Variants in KCNQ1 observed in about 807,000 individuals in gnomAD.
The protein encoded by KCNQ1 is potassium voltage-gated channel subfamily KQT member 1.
KCNQ1 carries 49 observed loss-of-function variants against 72.4 expected under a neutral mutation model. That is an observed-to-expected ratio of 0.68 (90% CI 0.54 to 0.86). The LOEUF is 0.86. Among genes scored for constraint, KCNQ1 ranks in the 40% least tolerant of loss-of-function variants. The pLI is 0.00. For synonymous variants in KCNQ1, 450 were observed against 412.6 expected (o/e 1.09, Z -1.10); for missense variants, 790 against 945.1 (o/e 0.84, Z 2.15).
In KCNQ1 at chr11:2,547,025, TGA is replaced by T. The variant is rs1177496812; in HGVS notation, c.477+19009_477+19010del. Among the ~76,000 whole-genome samples, 3 of 152,234 alleles carry T rather than the reference TGA, an allele frequency of 2.0e-5. No individual in the cohort carries two copies. Among genetic ancestry groups the T allele is most frequent in the Non-Finnish European group, 4.4e-5 (3 of 68,038 alleles). On this transcript the variant is annotated intron_variant, in intron 2 of 15. Coordinates refer to ENST00000155840, the MANE Select transcript of KCNQ1 (RefSeq NM_000218.3). The surrounding 1 kb of genome is among the most constrained non-coding windows in gnomAD (Gnocchi z 4.2). ...TTGTTTTTCATATGAAGCATATAGT[TGA>T]GTCTTATTTTGTGAGTCAAACTATT...
rs1849146060 is a variant in KCNQ1, at chr11:2,620,225, T to A, written c.1393+31371T>A. ...TATATATATATATTTTTTTTTTTTA[T>A]TTTTTTTTTAGACGGAGTTTCGCTC... On this transcript the variant is annotated intron_variant, in intron 10 of 15. Transcript: ENST00000155840. The surrounding 1 kb of genome is among the most constrained non-coding windows in gnomAD (Gnocchi z 4.5). The A allele has an allele frequency of 1.4e-4, 32 of 224,930 alleles. No individual in the cohort carries two copies. Among genetic ancestry groups the A allele is most frequent in the Non-Finnish European group, 1.9e-4 (23 of 119,632 alleles). The allele number at this position is 224,930 out of a possible 1,614,324, so 13.9% of individuals were successfully genotyped here.
In KCNQ1 at chr11:2,642,546, A is replaced by C. The variant is rs1310001677; in HGVS notation, c.1394-19415A>C. The C allele has an allele frequency of 2.5e-6, 1 of 397,718 alleles. No individual in the cohort carries two copies. The highest frequency in any genetic ancestry group is 4.4e-6 in the Non-Finnish European group (1 of 225,658). The allele number at this position is 397,718 out of a possible 1,614,324, so 24.6% of individuals were successfully genotyped here. A position where few individuals can be genotyped will look rare whatever the true frequency, so the allele number is the denominator to read the frequency against. On this transcript the variant is annotated intron_variant, in intron 10 of 15. Coordinates refer to ENST00000155840, the MANE Select transcript of KCNQ1 (RefSeq NM_000218.3). This position sits in a 1 kb window ranked among gnomAD's most constrained non-coding sequence, Gnocchi z 4.3. ...CCCTTTTTCATTTTTGATTTTATTC[A>C]TGTAGGTCTTCTCTCTTTTCTTCTT...
chr11:2,765,072 G>A (rs151288), intron 11 of KCNQ1, among the ~76,000 whole-genome samples: 37,898 of 151,904 alleles, frequency 0.25, 4,892 homozygotes, highest in East Asian at 0.29. Flanking sequence ...TTTTTTAACC[G>A]CTTGAGATGG....
At chr11:2,644,028 TTCTC>T (rs1849624529) in intron 10 of KCNQ1, 1 of 398,570 alleles carries the variant, frequency 2.5e-6, no homozygotes, top group Admixed American at 4.4e-5. Flanking sequence ...GGTTTTATGA[TTCTC>T]TCTTTGTCTT....
Position 2,654,787 on chromosome 11 carries a change from T to C in KCNQ1, c.1394-7174T>C, listed in dbSNP as rs1026733083. The C allele has an allele frequency of 5.0e-6, 2 of 398,482 alleles. No homozygotes were observed. The highest frequency in any genetic ancestry group is 2.1e-5 in the African/African-American group (1 of 48,576). The allele number at this position is 398,482 out of a possible 1,614,324, so 24.7% of individuals were successfully genotyped here. ...GCAGAGGAAGTGAGACCAGAATTTC[T>C]TGGGAACAGAAAGCCTCAAAGACTT... On this transcript the variant is annotated intron_variant, in intron 10 of 15. Transcript: ENST00000155840. This position sits in a 1 kb window ranked among gnomAD's most constrained non-coding sequence, Gnocchi z 6.4.
At chr11:2,474,917 A>G (rs2133603354) in intron 1 of KCNQ1, among the ~76,000 whole-genome samples, 2 of 152,286 alleles carry the variant, frequency 1.3e-5, no homozygotes, top group East Asian at 3.9e-4. Flanking sequence ...TGGGGTGCAT[A>G]GCTAGTGAGG....
rs1446333919 is a variant in KCNQ1, at chr11:2,803,190, C to A, written c.1794+25153C>A. On this transcript the variant is annotated intron_variant, in intron 15 of 15. Coordinates refer to ENST00000155840, the MANE Select transcript of KCNQ1 (RefSeq NM_000218.3). The surrounding 1 kb of genome is among the most constrained non-coding windows in gnomAD (Gnocchi z 6.4). ...CACGGGCACCCAGGAACCGCCCTGG[C>A]TTTGCTGGAGGACCTGCCATGGCTT... Among the ~76,000 whole-genome samples, 1 of 152,114 alleles carries A rather than the reference C, an allele frequency of 6.6e-6. No individual in the cohort carries two copies. Among genetic ancestry groups the A allele is most frequent in the African/African-American group, 2.4e-5 (1 of 41,400 alleles).
intron 11 of KCNQ1, among the ~76,000 whole-genome samples, chr11:2,707,838 G>A (rs1329829487): frequency 6.6e-6 from 1 of 152,232 alleles, no homozygotes; most frequent in Non-Finnish European, 1.5e-5. Context: ...CGGCCTTGGT[G>A]TGAGGGACAC....
intron 10 of KCNQ1, chr11:2,641,544 T>C: frequency 2.5e-6 from 1 of 398,504 alleles, no homozygotes; most frequent in South Asian, 1.3e-4. Context: ...TAGTACCTTG[T>C]CAGATGAGTA....
At chr11:2,688,296 ACT>A (rs2133888889) in intron 11 of KCNQ1, 1 of 398,544 alleles carries the variant, frequency 2.5e-6, no homozygotes, top group South Asian at 1.3e-4. Flanking sequence ...GAAAATGAAG[ACT>A]CTGGAAAATC....
At chr11:2,485,736 C>G (rs1409018499) in intron 1 of KCNQ1, among the ~76,000 whole-genome samples, 1 of 152,120 alleles carries the variant, frequency 6.6e-6, no homozygotes, top group Non-Finnish European at 1.5e-5. Flanking sequence ...ACCTTTCGTC[C>G]CTATGGATTT....
At chr11:2,461,677 G>C in intron 1 of KCNQ1, 1 of 1,367,176 alleles carries the variant, frequency 7.3e-7, no homozygotes, top group Middle Eastern at 2.1e-4. Flanking sequence ...CTGGGAAAGA[G>C]CCTGTGCTTC....
At chr11:2,523,616 G>A (rs536209699) in intron 1 of KCNQ1, among the ~76,000 whole-genome samples, 17 of 152,318 alleles carry the variant, frequency 1.1e-4, no homozygotes, top group African/African-American at 3.8e-4. Context: ...AGGCAGCGTC[G>A]CCTGTGGTCT....
In KCNQ1 at chr11:2,630,317, T is replaced by C. The variant is rs201764710; in HGVS notation, c.1394-31644T>C. ...TGCTGTTAAATTCAGTTTGATCATATTTTGTTGAAAATTTTTAAATGTATA... is the reference window on the plus strand; with the variant it reads ...TGCTGTTAAATTCAGTTTGATCATACTTTGTTGAAAATTTTTAAATGTATA... On this transcript the variant is annotated intron_variant, in intron 10 of 15. Coordinates refer to ENST00000155840, the MANE Select transcript of KCNQ1 (RefSeq NM_000218.3). The C allele has an allele frequency of 2.8e-5, 11 of 398,290 alleles. No homozygotes were observed. In the East Asian group the frequency reaches 3.9e-4, roughly 14 times the overall value. 24.7% of individuals were successfully genotyped at this position (398,290 alleles called of 1,614,324 possible). A position where few individuals can be genotyped will look rare whatever the true frequency, so the allele number is the denominator to read the frequency against.
At chr11:2,708,714 T>TGG (rs563696040) in intron 11 of KCNQ1, among the ~76,000 whole-genome samples, 7 of 151,914 alleles carry the variant, frequency 4.6e-5, no homozygotes, top group African/African-American at 9.7e-5. Flanking sequence ...ATACGCGGGT[T>TGG]GCGGGGGGCG....
chr11:2,719,606 G>T (rs1233129664), intron 11 of KCNQ1, among the ~76,000 whole-genome samples: 7 of 152,174 alleles, frequency 4.6e-5, no homozygotes, highest in Middle Eastern at 3.2e-3. Context: ...ACCCTCATTT[G>T]TTATCACCCA....
At chr11:2,833,589 G>C (rs569622824) in intron 15 of KCNQ1, among the ~76,000 whole-genome samples, 349 of 152,362 alleles carry the variant, frequency 2.3e-3, no homozygotes, top group African/African-American at 8.1e-3. Flanking sequence ...GAGGCAAGAG[G>C]CTGGGTTCCT....
chr11:2,628,784 C>T, intron 10 of KCNQ1: 1 of 398,380 alleles, frequency 2.5e-6, no homozygotes, highest in East Asian at 3.6e-5. Flanking sequence ...ATCTTATTCA[C>T]TTTTCTCTAC....
At chr11:2,681,436 G>A (rs1368628791) in intron 11 of KCNQ1, 2 of 398,418 alleles carry the variant, frequency 5.0e-6, no homozygotes, top group Non-Finnish European at 8.8e-6. Flanking sequence ...AGCTCTAGGG[G>A]ATTTTGGGAC....
Sources: gnomAD v4.1 joint callset for allele counts (sites outside exome capture counted in the v4.1 genomes callset) on GRCh38, gnomAD v4.1.1 for gene constraint, Gnocchi (gnomAD v3.1) non-coding constraint, MANE v1.5 for transcripts, NCBI Gene and HGNC (gene_info 2026-07-23, HGNC 2026-07-21) for gene names.